Variants in ELANE observed in about 807,000 individuals in gnomAD.
The protein encoded by ELANE is neutrophil elastase.
ELANE carries 12 observed loss-of-function variants against 20.6 expected under a neutral mutation model. The ratio of observed to expected loss-of-function variants is 0.58; its 90% confidence interval spans 0.37 to 0.94. The LOEUF (loss-of-function observed/expected upper bound fraction) is 0.94, where lower values mean the gene tolerates loss of function less well. Ranked by LOEUF, ELANE falls within the 40% of genes least tolerant of loss-of-function variation. ELANE has a pLI of 0.01. For missense variants in ELANE, 388 were observed against 395.2 expected (o/e 0.98, Z 0.15); for synonymous variants, 203 against 177.4 (o/e 1.14, Z -1.15).
chr19:852,384 T>G lies in ELANE; in HGVS notation c.56T>G (p.Leu19Trp), dbSNP rs1489838508. ...CLFLACVLPA[L>W]LLGGTALASE... ...TTCCTCGCCTGTGTCCTGCCGGCCT[T>G]GCTGCTGGGGGGTGAGTTTTTGAGT... Residue 19 changes from leucine to tryptophan, a missense_variant, in exon 1 of 5, where the codon TTG becomes TGG. Transcript: ENST00000263621. 6.2e-7 allele frequency: 1 copy of G among 1,611,620 alleles called. No homozygotes were observed. The highest frequency in any genetic ancestry group is 8.5e-7 in the Non-Finnish European group (1 of 1,179,878).
chr19:852,716 G>T (rs904691345), intron 1 of ELANE, among the ~76,000 whole-genome samples, 160 bp from the exon 2 acceptor site: 3 of 152,092 alleles, frequency 2.0e-5, no homozygotes, highest in Non-Finnish European at 4.4e-5. Flanking sequence ...GAACAACAGG[G>T]GTGCGAACGG....
Position 853,364 on chromosome 19 carries a change from C to T in ELANE, c.327C>T (p.Tyr109=), listed in dbSNP as rs1339843779. The change falls in exon 3 of 5, where the codon TAC becomes TAT. Residue 109 remains tyrosine, a synonymous_variant. Transcript: ENST00000263621. ...TGCAGCGCATCTTCGAAAACGGCTA[C>T]GACCCCGTAAACTTGCTCAACGACA... ...FAVQRIFENG[Y]DPVNLLNDIV... 1 of 1,611,396 alleles carries T rather than the reference C, an allele frequency of 6.2e-7. No homozygotes were observed. Among genetic ancestry groups the T allele is most frequent in the Middle Eastern group, 1.7e-4 (1 of 6,054 alleles).
chr19:855,837 C>A lies in ELANE; in HGVS notation c.597+43C>A. On this transcript the variant is annotated intron_variant, in intron 4 of 4. Coordinates refer to ENST00000263621, the MANE Select transcript of ELANE (RefSeq NM_001972.4). This position sits in a 1 kb window ranked among gnomAD's most constrained non-coding sequence, Gnocchi z 6.2. ...CCCTCTGCTCCCCACCCGCTCCCAGCCCGGACTGCAGCAACAGGCACCGTG... is the reference window on the plus strand; with the variant it reads ...CCCTCTGCTCCCCACCCGCTCCCAGACCGGACTGCAGCAACAGGCACCGTG... The A allele has an allele frequency of 2.5e-6, 4 of 1,605,526 alleles. No individual in the cohort carries two copies. Among genetic ancestry groups the A allele is most frequent in the Non-Finnish European group, 3.4e-6 (4 of 1,178,656 alleles).
At chr19:854,379 C>T (rs1285813972) in intron 3 of ELANE, among the ~76,000 whole-genome samples, 2 of 150,502 alleles carry the variant, frequency 1.3e-5, no homozygotes, top group African/African-American at 4.9e-5. Flanking sequence ...ACCCCGGAGG[C>T]GGAGATTGCA....
In ELANE at chr19:853,340, G is replaced by A. The variant is rs1330923988; in HGVS notation, c.303G>A (p.Val101=). ...AGCCCACCCGGCAGGTGTTCGCCGT[G>A]CAGCGCATCTTCGAAAACGGCTACG... is the stretch of plus-strand genomic sequence containing the variant. ...RREPTRQVFA[V]QRIFENGYDP... The change falls in exon 3 of 5, where the codon GTG becomes GTA. Residue 101 remains valine, a synonymous_variant. Transcript: ENST00000263621. 2 of 1,611,370 alleles carry A rather than the reference G, an allele frequency of 1.2e-6. No homozygotes were observed. Among genetic ancestry groups the A allele is most frequent in the African/African-American group, 2.7e-5 (2 of 74,882 alleles).
In ELANE at chr19:853,356, AACGGCTACG is replaced by A; in HGVS notation, c.322_330del (p.Gly108_Asp110del). ...GTTCGCCGTGCAGCGCATCTTCGAA[AACGGCTACG>A]ACCCCGTAAACTTGCTCAACGACAT... On this transcript the variant is annotated inframe_deletion, in exon 3 of 5. Coordinates refer to ENST00000263621, the MANE Select transcript of ELANE (RefSeq NM_001972.4). 6.2e-7 allele frequency: 1 copy of A among 1,611,622 alleles called. No homozygotes were observed. Among genetic ancestry groups the A allele is most frequent in the Non-Finnish European group, 8.5e-7 (1 of 1,179,238 alleles).
chr19:854,981 G>A (rs1322517634), intron 3 of ELANE, among the ~76,000 whole-genome samples: 2 of 151,596 alleles, frequency 1.3e-5, no homozygotes, highest in African/African-American at 2.4e-5. Flanking sequence ...AGCCTCCCAG[G>A]TAGCTGGGAC....
At position 855,496 on chromosome 19, in the gene ELANE, C is replaced by A; in HGVS notation, c.367-68C>A. The A allele has an allele frequency of 1.3e-6, 2 of 1,516,776 alleles. No individual in the cohort carries two copies. Among genetic ancestry groups the A allele is most frequent in the Non-Finnish European group, 1.8e-6 (2 of 1,119,922 alleles). 94.0% of individuals were successfully genotyped at this position (1,516,776 alleles called of 1,614,324 possible). A position where few individuals can be genotyped will look rare whatever the true frequency, so the allele number is the denominator to read the frequency against. On this transcript the variant is annotated intron_variant, in intron 3 of 4. Coordinates refer to ENST00000263621, the MANE Select transcript of ELANE (RefSeq NM_001972.4). This position sits in a 1 kb window ranked among gnomAD's most constrained non-coding sequence, Gnocchi z 6.2. ...GGAACCTGAGATGGGGAAACTGAGG[C>A]CCGGAGAGGGGAGGGTCATCATCAC... is the stretch of plus-strand genomic sequence containing the variant.
At chr19:854,846 A>G (rs908106456) in intron 3 of ELANE, among the ~76,000 whole-genome samples, 1 of 147,660 alleles carries the variant, frequency 6.8e-6, no homozygotes, top group Non-Finnish European at 1.5e-5. Context: ...AAAAATATAT[A>G]TATACACACA....
In ELANE at chr19:856,060, C is replaced by T; in HGVS notation, c.700C>T (p.Pro234Ser). The T allele has an allele frequency of 1.9e-6, 3 of 1,613,536 alleles. No individual in the cohort carries two copies. The highest frequency in any genetic ancestry group is 1.7e-5 in the Admixed American group (1 of 60,028). The change falls in exon 5 of 5, where the codon CCG (proline) becomes TCG (serine). Residue 234 changes from proline to serine, a missense_variant. Physicochemically the swap from Pro to Ser is moderately conservative, Grantham distance 74 (BLOSUM62 -1). Transcript: ENST00000263621. ...AGGGCTCTACCCCGATGCCTTTGCC[C>T]CGGTGGCACAGTTTGTAAACTGGAT... ...ASGLYPDAFA[P>S]VAQFVNWIDS...
Position 855,632 on chromosome 19 carries a change from G to C in ELANE, c.435G>C (p.Leu145=), listed in dbSNP as rs992902449. ...VAQLPAQGRR[L]GNGVQCLAMG... The stretch of plus-strand genomic sequence containing the variant: ...AGCTGCCGGCTCAGGGACGCCGCCT[G>C]GGCAACGGGGTGCAGTGCCTGGCCA... Residue 145 remains leucine, a synonymous_variant, in exon 4 of 5, where the codon CTG becomes CTC. Coordinates refer to ENST00000263621, the MANE Select transcript of ELANE (RefSeq NM_001972.4). The surrounding 1 kb of genome is among the most constrained non-coding windows in gnomAD (Gnocchi z 6.2). The C allele has an allele frequency of 1.9e-6, 3 of 1,605,238 alleles. No homozygotes were observed. Among genetic ancestry groups the C allele is most frequent in the East Asian group, 4.5e-5 (2 of 44,874 alleles).
In ELANE at chr19:855,174, A is replaced by G. The variant is rs1044136791; in HGVS notation, c.367-390A>G. ...GGCAATTTTTTTTTATTATTTTTGT[A>G]GACATGGGGCTTTGCCACATTGCCC... On this transcript the variant is annotated intron_variant, in intron 3 of 4. Transcript: ENST00000263621. The surrounding 1 kb of genome is among the most constrained non-coding windows in gnomAD (Gnocchi z 6.2). 6.6e-6 allele frequency among the ~76,000 whole-genome samples: 1 copy of G among 151,772 alleles called. No homozygotes were observed. The highest frequency in any genetic ancestry group is 1.5e-5 in the Non-Finnish European group (1 of 67,960).
At position 853,335 on chromosome 19, in the gene ELANE, G is replaced by T. The variant is rs549887145; in HGVS notation, c.298G>T (p.Ala100Ser). The T allele has an allele frequency of 2.5e-6, 4 of 1,611,084 alleles. No homozygotes were observed. The East Asian group carries it at 6.7e-5, about 27-fold the overall frequency. Residue 100 changes from alanine to serine, a missense_variant, in exon 3 of 5, where the codon GCC (alanine) becomes TCC (serine). Physicochemically the swap from Ala to Ser is moderately conservative, Grantham distance 99. Around this residue, in one of 3 missense-constraint regions of ELANE, gnomAD observed 321 missense variants for 309.8 expected, o/e 1.04. Coordinates refer to ENST00000263621, the MANE Select transcript of ELANE (RefSeq NM_001972.4). ...SRREPTRQVFAVQRIFENGYD... is the reference protein window; with the variant it reads ...SRREPTRQVFSVQRIFENGYD... ...GCGGGAGCCCACCCGGCAGGTGTTC[G>T]CCGTGCAGCGCATCTTCGAAAACGG...
At chr19:854,635 T>C (rs1019163774) in intron 3 of ELANE, among the ~76,000 whole-genome samples, 1 of 148,650 alleles carries the variant, frequency 6.7e-6, no homozygotes, top group Non-Finnish European at 1.5e-5. Flanking sequence ...CACGTCTGGC[T>C]AATATATATA....
rs1195458093 is a variant in ELANE at position 855,189 on chromosome 19, C to T, written c.367-375C>T. Among the ~76,000 whole-genome samples the T allele has an allele frequency of 6.6e-6, 1 of 152,034 alleles. No individual in the cohort carries two copies. The highest frequency in any genetic ancestry group is 6.6e-5 in the Admixed American group (1 of 15,232). ...TTATTTTTGTAGACATGGGGCTTTG[C>T]CACATTGCCCAGGCTGGTCTTGAAT... On this transcript the variant is annotated intron_variant, in intron 3 of 4. Transcript: ENST00000263621. The surrounding 1 kb of genome is among the most constrained non-coding windows in gnomAD (Gnocchi z 6.2).
chr19:856,198 C>A lies in ELANE; in HGVS notation c.*34C>A. 3 of 1,602,754 alleles carry A rather than the reference C, an allele frequency of 1.9e-6. No individual in the cohort carries two copies. Among genetic ancestry groups the A allele is most frequent in the Non-Finnish European group, 2.6e-6 (3 of 1,171,080 alleles). On this transcript the variant is annotated 3_prime_UTR_variant, in exon 5 of 5. Coordinates refer to ENST00000263621, the MANE Select transcript of ELANE (RefSeq NM_001972.4). The stretch of plus-strand genomic sequence containing the variant: ...GCCCGGGTCACCTCAGCTGCCCACA[C>A]CCACACTCTCCAGCATCTGGCACAA...
At chr19:854,429 C>CA (rs113532242) in intron 3 of ELANE, among the ~76,000 whole-genome samples, 7,517 of 125,526 alleles carry the variant, frequency 0.06, 488 homozygotes, top group African/African-American at 0.17. Flanking sequence ...GCCTGGGTCT[C>CA]AAAAAAAAAA....
At position 853,400 on chromosome 19, in the gene ELANE, C is replaced by G. The variant is rs765488502; in HGVS notation, c.363C>G (p.Leu121=). The G allele has an allele frequency of 1.9e-6, 3 of 1,604,478 alleles. No individual in the cohort carries two copies. The Admixed American group carries it at 5.1e-5, about 27-fold the overall frequency. The change falls in exon 3 of 5, where the codon CTC becomes CTG. Residue 121 remains leucine (L), a synonymous_variant. Coordinates refer to ENST00000263621, the MANE Select transcript of ELANE (RefSeq NM_001972.4). ...PVNLLNDIVI[L]QLNGSATINA... ...ACTTGCTCAACGACATCGTGATTCT[C>G]CAGGTGCCGCCGGGCGGGGCGGGGG...
chr19:852,367 C>T lies in ELANE; in HGVS notation c.39C>T (p.Ala13=). 1 of 1,611,690 alleles carries T rather than the reference C, an allele frequency of 6.2e-7. No homozygotes were observed. The highest frequency in any genetic ancestry group is 8.5e-7 in the Non-Finnish European group (1 of 1,179,964). ...LGRRLACLFL[A]CVLPALLLGG... ...GCCGACTCGCGTGTCTTTTCCTCGC[C>T]TGTGTCCTGCCGGCCTTGCTGCTGG... Residue 13 remains alanine, a synonymous_variant, in exon 1 of 5, where the codon GCC becomes GCT. Coordinates refer to ENST00000263621, the MANE Select transcript of ELANE (RefSeq NM_001972.4).
Sources: allele counts gnomAD v4.1 joint callset (sites outside exome capture counted in the v4.1 genomes callset), GRCh38; gene constraint gnomAD v4.1.1; regional missense constraint gnomAD v4.1.1; non-coding constraint Gnocchi (gnomAD v3.1); transcripts MANE v1.5; gene names NCBI Gene and HGNC (gene_info 2026-07-23, HGNC 2026-07-21).